LTC4S: variants seen among roughly 807,000 people sequenced by gnomAD.
LTC4S encodes leukotriene C4 synthase.
Under a neutral mutation model 19.6 loss-of-function variants are expected in LTC4S, and 18 were observed. The observed-to-expected ratio is 0.92, with a 90% CI of 0.64 to 1.36. The LOEUF (loss-of-function observed/expected upper bound fraction) is 1.36, where lower values mean the gene tolerates loss of function less well. LTC4S is among the 40% of genes most tolerant of loss of function. The pLI, the probability that LTC4S is intolerant of heterozygous loss-of-function variation, is 0.00. For missense variants in LTC4S, 235 were observed against 212.2 expected, an observed-to-expected ratio of 1.11 and a Z score of -0.67; for synonymous variants, 126 against 110.1, an observed-to-expected ratio of 1.14 and a Z score of -0.91.
At position 179,795,875 on chromosome 5, in the gene LTC4S, G is replaced by A; in HGVS notation, c.229+19G>A. The A allele has an allele frequency of 6.2e-7, 1 of 1,602,920 alleles. No homozygotes were observed. Among genetic ancestry groups the A allele is most frequent in the Non-Finnish European group, 8.5e-7 (1 of 1,177,302 alleles). ...CATGAAGGTCGGGGTGTGGGGCAGG[G>A]GCGCACGCGCTGGACCCCCGGGACC... On this transcript the variant is annotated intron_variant, in intron 3 of 4. Coordinates refer to ENST00000292596, the MANE Select transcript of LTC4S (RefSeq NM_145867.2).
chr5:179,794,020 G>C lies in LTC4S; in HGVS notation c.-61G>C. The C allele has an allele frequency of 6.2e-7, 1 of 1,611,966 alleles. No homozygotes were observed. Among genetic ancestry groups the C allele is most frequent in the Admixed American group, 1.7e-5 (1 of 59,940 alleles). On this transcript the variant is annotated 5_prime_UTR_variant, in exon 1 of 5. Coordinates refer to ENST00000292596, the MANE Select transcript of LTC4S (RefSeq NM_145867.2). ...CTGGGCCGTCCTCTGAGCAGCAGAC[G>C]GGGCTAAGCGTTCCCCAGCTCGCCT...
intron 1 of LTC4S, 37 bp downstream of exon 1, chr5:179,794,175 A>T: frequency 6.2e-7 from 1 of 1,612,202 alleles, no homozygotes; most frequent in Non-Finnish European, 8.5e-7. Flanking sequence ...GGTGGGCCTT[A>T]GATCCCTACA....
intron 1 of LTC4S, 55 bp downstream of exon 1, chr5:179,794,193 C>G (rs1244383094): frequency 5.0e-6 from 8 of 1,607,270 alleles, no homozygotes; most frequent in Non-Finnish European, 6.8e-6. Context: ...ACAGCTTGCC[C>G]TCTGCCCCCT....
Position 179,796,019 on chromosome 5 carries a change from T to C in LTC4S, c.308T>C (p.Leu103Pro). 1 of 1,516,416 alleles carries C rather than the reference T, an allele frequency of 6.6e-7. No homozygotes were observed. Among genetic ancestry groups the C allele is most frequent in the Non-Finnish European group, 8.8e-7 (1 of 1,137,648 alleles). 93.9% of individuals were successfully genotyped at this position (1,516,416 alleles called of 1,614,324 possible). A position where few individuals can be genotyped will look rare whatever the true frequency, so the allele number is the denominator to read the frequency against. The change falls in exon 4 of 5, where the codon CTC becomes CCC. Residue 103 changes from leucine to proline, a missense_variant. By Grantham distance (98) the Leu-to-Pro change is moderately conservative. Transcript: ENST00000292596. Reference sequence around the variant, plus strand: ...CAGGGCTACGCGCGCTCCGCGCAGCTCAGGTGAGGGCCGGGCGGGGAGCGG... The same window carrying C: ...CAGGGCTACGCGCGCTCCGCGCAGCCCAGGTGAGGGCCGGGCGGGGAGCGG... ...YFQGYARSAQ[L>P]RLAPLYASAR...
intron 1 of LTC4S, among the ~76,000 whole-genome samples, chr5:179,794,805 C>A (rs1301539971): frequency 6.6e-6 from 1 of 152,166 alleles, no homozygotes; most frequent in Non-Finnish European, 1.5e-5. Context: ...GGAGGGAGCG[C>A]ACAGCCAGCA....
intron 1 of LTC4S, 76 bp from the exon 2 acceptor site, chr5:179,795,508 T>A: frequency 6.5e-7 from 1 of 1,537,396 alleles, no homozygotes; most frequent in Non-Finnish European, 8.8e-7. Flanking sequence ...AAGGGCCAGA[T>A]TGCAGGATCC....
In LTC4S at chr5:179,796,396, A is replaced by G; in HGVS notation, c.*2A>G. The G allele has an allele frequency of 1.3e-6, 2 of 1,490,750 alleles. No individual in the cohort carries two copies. Among genetic ancestry groups the G allele is most frequent in the East Asian group, 2.8e-5 (1 of 36,128 alleles). 92.3% of individuals were successfully genotyped at this position (1,490,750 alleles called of 1,614,324 possible). A position where few individuals can be genotyped will look rare whatever the true frequency, so the allele number is the denominator to read the frequency against. On this transcript the variant is annotated 3_prime_UTR_variant, in exon 5 of 5. Transcript: ENST00000292596. ...CGGACGCTGCTGCCGTGGGCCTGAGACCAAGGCCCCCGGGCCGACGGAGCC... is the reference window on the plus strand; with the variant it reads ...CGGACGCTGCTGCCGTGGGCCTGAGGCCAAGGCCCCCGGGCCGACGGAGCC...
At position 179,796,468 on chromosome 5, in the gene LTC4S, G is replaced by A. The variant is rs969201615; in HGVS notation, c.*74G>A. 3 of 1,407,640 alleles carry A rather than the reference G, an allele frequency of 2.1e-6. No individual in the cohort carries two copies. In the Admixed American group the frequency reaches 9.7e-5, roughly 46 times the overall value. The allele number at this position is 1,407,640 out of a possible 1,614,324, so 87.2% of individuals were successfully genotyped here. On this transcript the variant is annotated 3_prime_UTR_variant, in exon 5 of 5. Transcript: ENST00000292596. ...CCAGCTGCCCCGGGGAGGGGCGCTC[G>A]CTTCCGCATCCTAGTCTCTATCATT...
rs1290249145 is a variant in LTC4S, at chr5:179,796,028, G to A, written c.311+6G>A. 1.3e-6 allele frequency: 2 copies of A among 1,516,748 alleles called. No homozygotes were observed. The highest frequency in any genetic ancestry group is 2.9e-5 in the African/African-American group (2 of 70,116). 94.0% of individuals were successfully genotyped at this position (1,516,748 alleles called of 1,614,324 possible). On this transcript the variant is annotated splice_donor_region_variant and intron_variant, in intron 4 of 4. Transcript: ENST00000292596. Reference sequence around the variant, plus strand: ...GCGCGCTCCGCGCAGCTCAGGTGAGGGCCGGGCGGGGAGCGGGGCGGGGCC... The same window carrying A: ...GCGCGCTCCGCGCAGCTCAGGTGAGAGCCGGGCGGGGAGCGGGGCGGGGCC...
Position 179,794,107 on chromosome 5 carries a change from T to G in LTC4S, c.27T>G (p.Ala9=). The G allele has an allele frequency of 6.2e-7, 1 of 1,613,682 alleles. No homozygotes were observed. The highest frequency in any genetic ancestry group is 1.7e-5 in the Admixed American group (1 of 60,010). The change falls in exon 1 of 5, where the codon GCT becomes GCG. Residue 9 remains alanine (A), a synonymous_variant. Coordinates refer to ENST00000292596, the MANE Select transcript of LTC4S (RefSeq NM_145867.2). MKDEVALL[A]AVTLLGVLLQ... ...TGAAGGACGAGGTAGCTCTACTGGCTGCTGTCACCCTCCTGGGAGTCCTGC... is the reference window on the plus strand; with the variant it reads ...TGAAGGACGAGGTAGCTCTACTGGCGGCTGTCACCCTCCTGGGAGTCCTGC...
chr5:179,796,635 G>A lies in LTC4S; in HGVS notation c.*241G>A. The stretch of plus-strand genomic sequence containing the variant: ...CTAGTGGCGGCGTGAGAGTGGCTGC[G>A]AAGGAACGAGCCCTCCCCCTGGGGC... On this transcript the variant is annotated 3_prime_UTR_variant, in exon 5 of 5. Coordinates refer to ENST00000292596, the MANE Select transcript of LTC4S (RefSeq NM_145867.2). The A allele has an allele frequency of 2.1e-6, 1 of 474,186 alleles. No homozygotes were observed. Among genetic ancestry groups the A allele is most frequent in the Non-Finnish European group, 3.5e-6 (1 of 284,190 alleles). 29.4% of individuals were successfully genotyped at this position (474,186 alleles called of 1,614,324 possible). A position where few individuals can be genotyped will look rare whatever the true frequency, so the allele number is the denominator to read the frequency against.
At position 179,795,660 on chromosome 5, in the gene LTC4S, G is replaced by GT; in HGVS notation, c.137dup (p.Glu47ArgfsTer30). On this transcript the variant is annotated frameshift_variant, in exon 2 of 5. Transcript: ENST00000292596. LOFTEE classifies it high-confidence loss of function. The stretch of plus-strand genomic sequence containing the variant: ...CGCCGCTCACCACCGGCCCACCCGA[G>GT]TTCGAGCGCGTCTACCGAGCCCAGT... 6.2e-7 allele frequency: 1 copy of GT among 1,607,778 alleles called. No homozygotes were observed. The highest frequency in any genetic ancestry group is 1.1e-5 in the South Asian group (1 of 90,392).
chr5:179,795,538 G>A (rs756033144), intron 1 of LTC4S, 46 bp from the exon 2 acceptor site: 1 of 1,570,274 alleles, frequency 6.4e-7, no homozygotes, highest in Non-Finnish European at 8.7e-7. Context: ...CCATCTCTGG[G>A]GCTTCGGGTG....
At chr5:179,795,362 GC>G in intron 1 of LTC4S, 1 of 1,413,818 alleles carries the variant, frequency 7.1e-7, no homozygotes, top group Non-Finnish European at 9.2e-7. Context: ...GCCTCTCTGC[GC>G]CCCAGGCTTC....
Position 179,796,332 on chromosome 5 carries a change from C to T in LTC4S, c.391C>T (p.Leu131Phe), listed in dbSNP as rs1049245987. Reference sequence around the variant, plus strand: ...TGCGCTCGGCCTGCTCGCCCACTTCCTCCCGGCCGCGCTGCGCGCCGCGCT... The same window carrying T: ...TGCGCTCGGCCTGCTCGCCCACTTCTTCCCGGCCGCGCTGCGCGCCGCGCT... The part of the protein sequence containing the change: ...LAALGLLAHF[L>F]PAALRAALLG... Residue 131 changes from leucine to phenylalanine, a missense_variant, in exon 5 of 5, where the codon CTC (leucine) becomes TTC (phenylalanine). Transcript: ENST00000292596. 2.6e-5 allele frequency: 38 copies of T among 1,487,650 alleles called. No individual in the cohort carries two copies. In the African/African-American group the frequency reaches 3.4e-4, roughly 13 times the overall value. 92.2% of individuals were successfully genotyped at this position (1,487,650 alleles called of 1,614,324 possible).
At position 179,794,096 on chromosome 5, in the gene LTC4S, G is replaced by A; in HGVS notation, c.16G>A (p.Ala6Thr). ...CGACGGTACCATGAAGGACGAGGTA[G>A]CTCTACTGGCTGCTGTCACCCTCCT... MKDEV[A>T]LLAAVTLLGV... Residue 6 changes from alanine (A) to threonine (T), a missense_variant, in exon 1 of 5, where the codon GCT becomes ACT. By Grantham distance (58) the Ala-to-Thr change is moderately conservative. Transcript: ENST00000292596. 6.2e-7 allele frequency: 1 copy of A among 1,613,732 alleles called. No individual in the cohort carries two copies. The highest frequency in any genetic ancestry group is 8.5e-7 in the Non-Finnish European group (1 of 1,179,978).
At chr5:179,795,337 A>G in intron 1 of LTC4S, 1 of 1,387,338 alleles carries the variant, frequency 7.2e-7, no homozygotes, top group Admixed American at 3.2e-5. Flanking sequence ...CCATACACTC[A>G]CAGGTTGGGA....
chr5:179,794,280 G>T, intron 1 of LTC4S, 142 bp downstream of exon 1: 1 of 1,066,470 alleles, frequency 9.4e-7, no homozygotes, highest in South Asian at 1.3e-5. Flanking sequence ...TCAGGGAACT[G>T]GGGGGCACCT....
In LTC4S at chr5:179,796,576, C is replaced by T. The variant is rs1756639711; in HGVS notation, c.*182C>T. On this transcript the variant is annotated 3_prime_UTR_variant, in exon 5 of 5. Coordinates refer to ENST00000292596, the MANE Select transcript of LTC4S (RefSeq NM_145867.2). ...CGCGGGCTACGGAGCCTGGAGGGGC[C>T]CAGCCCGAGTCCGGGCAGCCCGGGG... 1.0e-6 allele frequency: 1 copy of T among 961,416 alleles called. No homozygotes were observed. Among genetic ancestry groups the T allele is most frequent in the South Asian group, 2.7e-5 (1 of 37,360 alleles). 59.6% of individuals were successfully genotyped at this position (961,416 alleles called of 1,614,324 possible).
Sources: allele counts gnomAD v4.1 joint callset (sites outside exome capture counted in the v4.1 genomes callset), GRCh38; gene constraint gnomAD v4.1.1; transcripts MANE v1.5; gene names NCBI Gene and HGNC (gene_info 2026-07-23, HGNC 2026-07-21).